The following HMG20B variants were observed in gnomAD, a reference collection of about 807,000 sequenced individuals.
The protein encoded by HMG20B is high mobility group 20B, also known as SWI/SNF-related matrix-associated actin-dependent regulator of chromatin subfamily E member 1-related.
In HMG20B, 24 loss-of-function variants were observed where a neutral mutation model predicts 41.6. That is an observed-to-expected ratio of 0.58 (90% CI 0.42 to 0.81). HMG20B has a LOEUF of 0.81. HMG20B is among the 30% of genes least tolerant of loss of function. The pLI is 0.00. For synonymous variants in HMG20B, 251 were observed against 186.6 expected (o/e 1.34, Z -2.81); for missense variants, 461 against 444.0 (o/e 1.04, Z -0.34).
chr19:3,576,909 C>A lies in HMG20B; in HGVS notation c.610C>A (p.Arg204=). 1 of 1,574,552 alleles carries A rather than the reference C, an allele frequency of 6.4e-7. No homozygotes were observed. Among genetic ancestry groups the A allele is most frequent in the Non-Finnish European group, 8.6e-7 (1 of 1,161,798 alleles). The change falls in exon 8 of 10, where the codon CGG becomes AGG. Residue 204 remains arginine (R), a synonymous_variant. Transcript: ENST00000333651. ...CGGCGCAGCGCGTGAGGCGGAGCTT[C>A]GGCGCTTGCGGAAGATGAATGTGGC... ...DQNKAREAEL[R]RLRKMNVAFE... is the part of the protein sequence containing the mutation.
Position 3,578,541 on chromosome 19 carries a change from T to G in HMG20B, c.*20T>G. On this transcript the variant is annotated 3_prime_UTR_variant, in exon 10 of 10. Transcript: ENST00000333651. The stretch of plus-strand genomic sequence containing the variant: ...CTGTGAGGAGTGGGCGGGCCCACGA[T>G]GCAGAGGAGAAGCTGTGGGCGCGGC... 1.3e-6 allele frequency: 2 copies of G among 1,569,638 alleles called. No homozygotes were observed. The highest frequency in any genetic ancestry group is 8.6e-7 in the Non-Finnish European group (1 of 1,158,652).
Position 3,578,618 on chromosome 19 carries a change from C to A in HMG20B, c.*97C>A. 6.8e-7 allele frequency: 1 copy of A among 1,472,514 alleles called. No individual in the cohort carries two copies. Among genetic ancestry groups the A allele is most frequent in the Non-Finnish European group, 9.3e-7 (1 of 1,076,236 alleles). 91.2% of individuals were successfully genotyped at this position (1,472,514 alleles called of 1,614,324 possible). A position where few individuals can be genotyped will look rare whatever the true frequency, so the allele number is the denominator to read the frequency against. ...GAGGCTGGGGGTCCACCCTTTGGGGCCTGGTCCCATCCTGCACCTTGGGGG... is the reference window on the plus strand; with the variant it reads ...GAGGCTGGGGGTCCACCCTTTGGGGACTGGTCCCATCCTGCACCTTGGGGG... On this transcript the variant is annotated 3_prime_UTR_variant, in exon 10 of 10. Transcript: ENST00000333651.
chr19:3,577,935 C>G, intron 8 of HMG20B, 46 bp from the exon 9 acceptor site: 1 of 1,521,564 alleles, frequency 6.6e-7, no homozygotes, highest in Non-Finnish European at 8.8e-7. Context: ...GCCCCCGCCC[C>G]GCGACTCCCC....
intron 2 of HMG20B, 111 bp downstream of exon 2, chr19:3,573,458 G>A (rs940858395): frequency 8.4e-7 from 1 of 1,192,554 alleles, no homozygotes; most frequent in African/African-American, 1.6e-5. Context: ...CCCCACCTGG[G>A]TCAGGGGGCT....
At chr19:3,578,313 C>G in intron 9 of HMG20B, 196 bp from the exon 10 acceptor site, 3 of 1,132,150 alleles carry the variant, frequency 2.6e-6, no homozygotes, top group South Asian at 1.7e-5. Context: ...GCGGGACCCA[C>G]TCGGGGGCAC....
chr19:3,576,581 T>G lies in HMG20B; in HGVS notation c.548T>G (p.Phe183Cys). ...GGGGACTGCGATGGCTTCTCCACCT[T>G]CGATGTTCCCATCTTCACTGAAGAG... ...KGGDCDGFST[F>C]DVPIFTEEFL... Residue 183 changes from phenylalanine (F) to cysteine (C), a missense_variant, in exon 7 of 10, where the codon TTC (phenylalanine) becomes TGC (cysteine). Phe to Cys is a radical substitution (Grantham distance 205). Around this residue, in one of 3 missense-constraint regions of HMG20B, gnomAD observed 308 missense variants for 283.4 expected, o/e 1.09. Coordinates refer to ENST00000333651, the MANE Select transcript of HMG20B (RefSeq NM_006339.3). 2 of 1,613,628 alleles carry G rather than the reference T, an allele frequency of 1.2e-6. No individual in the cohort carries two copies. Among genetic ancestry groups the G allele is most frequent in the Non-Finnish European group, 1.7e-6 (2 of 1,179,750 alleles).
intron 4 of HMG20B, among the ~76,000 whole-genome samples, chr19:3,575,322 G>C (rs923246162): frequency 1.3e-5 from 2 of 152,152 alleles, no homozygotes; most frequent in Non-Finnish European, 2.9e-5. Context: ...TGGTTTGTCA[G>C]GGCTGGAGGT....
In HMG20B at chr19:3,574,133, G is replaced by A; in HGVS notation, c.148-250G>A. The A allele has an allele frequency of 9.7e-6, 6 of 620,206 alleles. No homozygotes were observed. The South Asian group carries it at 1.1e-4, about 11-fold the overall frequency. 38.4% of individuals were successfully genotyped at this position (620,206 alleles called of 1,614,324 possible). ...AGCAGAGGCCACGCCCACAACCGAAGTCAACGCCAACCCTGTACTCAAACC... is the reference window on the plus strand; with the variant it reads ...AGCAGAGGCCACGCCCACAACCGAAATCAACGCCAACCCTGTACTCAAACC... On this transcript the variant is annotated intron_variant, in intron 3 of 9. Coordinates refer to ENST00000333651, the MANE Select transcript of HMG20B (RefSeq NM_006339.3).
intron 4 of HMG20B, 164 bp from the exon 5 acceptor site, chr19:3,575,376 G>A (rs1416087073): frequency 2.5e-6 from 3 of 1,203,806 alleles, no homozygotes; most frequent in Non-Finnish European, 3.4e-6. Context: ...GAGCTCGGAG[G>A]TCCCTGAGCA....
At position 3,578,591 on chromosome 19, in the gene HMG20B, G is replaced by C. The variant is rs1431436802; in HGVS notation, c.*70G>C. 1 of 1,542,442 alleles carries C rather than the reference G, an allele frequency of 6.5e-7. No individual in the cohort carries two copies. Among genetic ancestry groups the C allele is most frequent in the Non-Finnish European group, 8.8e-7 (1 of 1,139,838 alleles). Reference sequence around the variant, plus strand: ...CCCTGCCACACCCCACCCCGTGGACGAGAGGCTGGGGGTCCACCCTTTGGG... The same window carrying C: ...CCCTGCCACACCCCACCCCGTGGACCAGAGGCTGGGGGTCCACCCTTTGGG... On this transcript the variant is annotated 3_prime_UTR_variant, in exon 10 of 10. Coordinates refer to ENST00000333651, the MANE Select transcript of HMG20B (RefSeq NM_006339.3).
At position 3,574,454 on chromosome 19, in the gene HMG20B, G is replaced by A. The variant is rs758951352; in HGVS notation, c.219G>A (p.Pro73=). ...KKILPNGPKA[P]VTGYVRFLNE... is the part of the protein sequence containing the mutation. ...TTCTGCCGAATGGGCCCAAGGCACC[G>A]GTCACGGGCTACGTGCGCTTCCTGA... The change falls in exon 4 of 10, where the codon CCG becomes CCA. Residue 73 remains proline, a synonymous_variant. Coordinates refer to ENST00000333651, the MANE Select transcript of HMG20B (RefSeq NM_006339.3). 6.2e-7 allele frequency: 1 copy of A among 1,609,100 alleles called. No individual in the cohort carries two copies. The highest frequency in any genetic ancestry group is 1.3e-5 in the African/African-American group (1 of 74,982).
Position 3,576,248 on chromosome 19 carries a change from C to G in HMG20B, c.473-13C>G. On this transcript the variant is annotated splice_polypyrimidine_tract_variant and intron_variant, in intron 5 of 9. Coordinates refer to ENST00000333651, the MANE Select transcript of HMG20B (RefSeq NM_006339.3). ...CCTGGGAGGCTGACCCTGCCCTTCCCCTCCCCCGCCAGAAGACTCGAGCTC... is the reference window on the plus strand; with the variant it reads ...CCTGGGAGGCTGACCCTGCCCTTCCGCTCCCCCGCCAGAAGACTCGAGCTC... 1 of 1,613,592 alleles carries G rather than the reference C, an allele frequency of 6.2e-7. No homozygotes were observed. Among genetic ancestry groups the G allele is most frequent in the South Asian group, 1.1e-5 (1 of 91,080 alleles).
At position 3,577,808 on chromosome 19, in the gene HMG20B, C is replaced by T. The variant is rs531459504; in HGVS notation, c.809-173C>T. ...GTCCCCACCCTGTCCCCGTCCTCGC[C>T]ATCCTCCTGCCCCGGCTTACCTTAG... On this transcript the variant is annotated intron_variant, in intron 8 of 9. Transcript: ENST00000333651. Among the ~76,000 whole-genome samples, 21 of 151,762 alleles carry T rather than the reference C, an allele frequency of 1.4e-4. No homozygotes were observed. In the South Asian group the frequency reaches 1.7e-3, roughly 12 times the overall value.
intron 9 of HMG20B, 132 bp downstream of exon 9, chr19:3,578,245 T>A (rs1322517098): frequency 7.6e-7 from 1 of 1,321,858 alleles, no homozygotes; most frequent in South Asian, 1.4e-5. Context: ...CGGAGGGGCC[T>A]ACCTGCGGTC....
intron 8 of HMG20B, among the ~76,000 whole-genome samples, chr19:3,577,510 C>T: frequency 6.8e-6 from 1 of 146,830 alleles, no homozygotes. Flanking sequence ...CCGGCCCCAC[C>T]GTCGCTGGCC....
rs1368691426 is a variant in HMG20B at position 3,576,289 on chromosome 19, T to C, written c.501T>C (p.Thr167=). The change falls in exon 6 of 10, where the codon ACT becomes ACC. Residue 167 remains threonine (T), a synonymous_variant. Coordinates refer to ENST00000333651, the MANE Select transcript of HMG20B (RefSeq NM_006339.3). ...ACTCGAGCTCTGGGCTCATGAACAC[T>C]CTCCTGAATGGACACAAGGTAAGCG... is the stretch of plus-strand genomic sequence containing the variant. ...KEDSSSGLMN[T]LLNGHKGGDC... is the part of the protein sequence containing the mutation. The C allele has an allele frequency of 1.9e-6, 3 of 1,613,068 alleles. No homozygotes were observed. Among genetic ancestry groups the C allele is most frequent in the African/African-American group, 1.3e-5 (1 of 74,976 alleles).
intron 9 of HMG20B, 80 bp from the exon 10 acceptor site, chr19:3,578,429 G>C: frequency 6.9e-7 from 1 of 1,449,596 alleles, no homozygotes; most frequent in Non-Finnish European, 9.1e-7. Flanking sequence ...GATGGGCCAT[G>C]GTCTCTGGGG....
Position 3,574,467 on chromosome 19 carries a change from G to T in HMG20B, c.232G>T (p.Val78Leu). ...GCCCAAGGCACCGGTCACGGGCTACGTGCGCTTCCTGAACGAGCGGCGCGA... is the reference window on the plus strand; with the variant it reads ...GCCCAAGGCACCGGTCACGGGCTACTTGCGCTTCCTGAACGAGCGGCGCGA... ...NGPKAPVTGY[V>L]RFLNERREQI... is the part of the protein sequence containing the mutation. The change falls in exon 4 of 10, where the codon GTG becomes TTG. Residue 78 changes from valine to leucine, a missense_variant. Physicochemically the swap from Val to Leu is conservative, Grantham distance 32. This residue lies in a region of HMG20B where 49 missense variants were observed against 84.1 expected (regional missense o/e 0.58). Coordinates refer to ENST00000333651, the MANE Select transcript of HMG20B (RefSeq NM_006339.3). 6.2e-7 allele frequency: 1 copy of T among 1,609,156 alleles called. No individual in the cohort carries two copies. The highest frequency in any genetic ancestry group is 8.5e-7 in the Non-Finnish European group (1 of 1,178,502).
chr19:3,577,444 C>T (rs2032194956), intron 8 of HMG20B, among the ~76,000 whole-genome samples: 1 of 148,964 alleles, frequency 6.7e-6, no homozygotes, highest in African/African-American at 2.5e-5. Context: ...CCCGCTTACT[C>T]GCTTCCTCCC....
Sources: allele counts gnomAD v4.1 joint callset (sites outside exome capture counted in the v4.1 genomes callset), GRCh38; gene constraint gnomAD v4.1.1; regional missense constraint gnomAD v4.1.1; transcripts MANE v1.5; gene names NCBI Gene and HGNC (gene_info 2026-07-23, HGNC 2026-07-21).